The following SPOCK1 variants were observed in gnomAD, a reference collection of about 807,000 sequenced individuals.
The protein encoded by SPOCK1 is SPARC (osteonectin), cwcv and kazal like domains proteoglycan 1.
In SPOCK1, 23 loss-of-function variants were observed where a neutral mutation model predicts 55.3. The observed-to-expected ratio is 0.42, with a 90% confidence interval of 0.30 to 0.59. The LOEUF (loss-of-function observed/expected upper bound fraction) is 0.59. Among genes scored for constraint, SPOCK1 ranks in the 20% least tolerant of loss-of-function variants. The pLI is 0.22. For synonymous variants in SPOCK1, 226 were observed against 221.0 expected (o/e 1.02, Z -0.20); for missense variants, 499 against 552.5 (o/e 0.90, Z 0.97).
At chr5:137,008,169 T>C (rs1383100124) in intron 6 of SPOCK1, among the ~76,000 whole-genome samples, 1 of 151,820 alleles carries the variant, frequency 6.6e-6, no homozygotes, top group Non-Finnish European at 1.5e-5. Flanking sequence ...AGAATAGCAT[T>C]AGGAGAAATA....
At chr5:137,493,456 G>A (rs1243820985) in intron 2 of SPOCK1, among the ~76,000 whole-genome samples, 1 of 152,194 alleles carries the variant, frequency 6.6e-6, no homozygotes, top group East Asian at 1.9e-4. Context: ...GTATCATGGA[G>A]AGGCCTGGGA....
chr5:136,978,593 T>C lies in SPOCK1; in HGVS notation c.*61A>G. Reference sequence around the variant, plus strand: ...GGTGCCTTGGAGTCTTAGATACAAATGCAGGAATAGGAAGTGACTTGCAAT... The same window carrying C: ...GGTGCCTTGGAGTCTTAGATACAAACGCAGGAATAGGAAGTGACTTGCAAT... On this transcript the variant is annotated 3_prime_UTR_variant, in exon 11 of 11. Coordinates refer to ENST00000394945, the MANE Select transcript of SPOCK1 (RefSeq NM_004598.4). 6.5e-7 allele frequency: 1 copy of C among 1,530,888 alleles called. No individual in the cohort carries two copies. The allele number at this position is 1,530,888 out of a possible 1,614,324, so 94.8% of individuals were successfully genotyped here.
chr5:137,302,297 C>A (rs866739520), intron 2 of SPOCK1, among the ~76,000 whole-genome samples: 4 of 151,920 alleles, frequency 2.6e-5, no homozygotes, highest in Non-Finnish European at 5.9e-5. Flanking sequence ...AGGCTGGGCG[C>A]GGTGGCTCAC....
At chr5:137,187,082 C>T (rs1755083023) in intron 3 of SPOCK1, among the ~76,000 whole-genome samples, 1 of 152,200 alleles carries the variant, frequency 6.6e-6, no homozygotes. Flanking sequence ...TCTTGTTATT[C>T]CTTATGCTTT....
chr5:137,293,534 T>C (rs1299703195), intron 2 of SPOCK1, among the ~76,000 whole-genome samples: 1 of 151,580 alleles, frequency 6.6e-6, no homozygotes, highest in Non-Finnish European at 1.5e-5. Context: ...CCCACAGAAA[T>C]TCTGATTCAG....
chr5:137,025,257 C>T (rs926200318), intron 6 of SPOCK1, among the ~76,000 whole-genome samples: 9 of 152,078 alleles, frequency 5.9e-5, no homozygotes, highest in African/African-American at 2.2e-4. Context: ...TAAGGTAGAT[C>T]CCTTTTCCAG....
intron 2 of SPOCK1, among the ~76,000 whole-genome samples, chr5:137,497,088 AC>A (rs1754314899): frequency 6.6e-6 from 1 of 152,104 alleles, no homozygotes. Flanking sequence ...GTGTATGGAA[AC>A]ATCTGGGATT....
At chr5:137,308,686 A>G (rs1757742353) in intron 2 of SPOCK1, among the ~76,000 whole-genome samples, 1 of 152,152 alleles carries the variant, frequency 6.6e-6, no homozygotes. Flanking sequence ...TGTGTAACCA[A>G]TTCCCTGTAT....
intron 4 of SPOCK1, among the ~76,000 whole-genome samples, chr5:137,140,208 G>A (rs1477949907): frequency 6.6e-6 from 1 of 152,164 alleles, no homozygotes; most frequent in East Asian, 1.9e-4. Flanking sequence ...GAGGTTGTTA[G>A]TGCAACCAGG....
chr5:137,200,914 T>C (rs1192869835), intron 3 of SPOCK1, among the ~76,000 whole-genome samples: 2 of 152,142 alleles, frequency 1.3e-5, no homozygotes, highest in African/African-American at 4.8e-5. Context: ...ACACTGTGAG[T>C]ATGAATTGAA....
chr5:137,320,616 C>T (rs1294856683), intron 2 of SPOCK1, among the ~76,000 whole-genome samples: 2 of 152,184 alleles, frequency 1.3e-5, no homozygotes, highest in African/African-American at 4.8e-5. Context: ...ATACCTCATA[C>T]AGACACCAGA....
intron 5 of SPOCK1, among the ~76,000 whole-genome samples, chr5:137,100,875 GAAA>G (rs57089475): frequency 2.7e-5 from 4 of 147,104 alleles, no homozygotes; most frequent in Non-Finnish European, 6.0e-5. Flanking sequence ...TCCGAAAGGG[GAAA>G]AAAAAAAAAA....
chr5:137,420,711 T>C (rs1445895462), intron 2 of SPOCK1, among the ~76,000 whole-genome samples: 1 of 152,144 alleles, frequency 6.6e-6, no homozygotes, highest in African/African-American at 2.4e-5. Context: ...GTCTTGCTAG[T>C]GGTCTATCAA....
intron 2 of SPOCK1, among the ~76,000 whole-genome samples, chr5:137,392,614 C>T (rs1015752221): frequency 6.6e-5 from 10 of 152,140 alleles, no homozygotes; most frequent in African/African-American, 2.2e-4. Flanking sequence ...TGTTTAATTG[C>T]TATGCCTCTG....
chr5:137,375,734 T>A (rs909478291), intron 2 of SPOCK1, among the ~76,000 whole-genome samples: 2 of 152,212 alleles, frequency 1.3e-5, no homozygotes, highest in Non-Finnish European at 2.9e-5. Flanking sequence ...AGAATTTTTT[T>A]AACTCCAAAA....
At chr5:137,041,865 A>C (rs1752005478) in intron 6 of SPOCK1, among the ~76,000 whole-genome samples, 1 of 152,210 alleles carries the variant, frequency 6.6e-6, no homozygotes, top group Admixed American at 6.5e-5. Flanking sequence ...GAAATGCAAA[A>C]TGCTGCAGTC....
intron 5 of SPOCK1, among the ~76,000 whole-genome samples, chr5:137,091,449 T>C (rs1272057782): frequency 2.0e-5 from 3 of 152,220 alleles, no homozygotes; most frequent in Non-Finnish European, 4.4e-5. Context: ...CCCTGGGATG[T>C]ATTTGGAGAA....
chr5:137,148,881 A>G (rs1175867031), intron 3 of SPOCK1, among the ~76,000 whole-genome samples: 1 of 152,178 alleles, frequency 6.6e-6, no homozygotes, highest in Non-Finnish European at 1.5e-5. Context: ...ATAACTTCTG[A>G]TGGGGATAAA....
chr5:137,256,105 T>C (rs1178953489), intron 3 of SPOCK1, among the ~76,000 whole-genome samples: 1 of 152,176 alleles, frequency 6.6e-6, no homozygotes, highest in Admixed American at 6.5e-5. Context: ...CTTTTGTTCT[T>C]TGGGAAGTGG....
Sources: allele counts gnomAD v4.1 joint callset (sites outside exome capture counted in the v4.1 genomes callset), GRCh38; gene constraint gnomAD v4.1.1; transcripts MANE v1.5; gene names NCBI Gene and HGNC (gene_info 2026-07-23, HGNC 2026-07-21).